The following TMEM51 variants were observed in gnomAD, a reference collection of about 807,000 sequenced individuals.
The protein encoded by TMEM51 is transmembrane protein 51, also known as chromosome 1 open reading frame 72.
A neutral mutation model predicts 13.6 loss-of-function variants in TMEM51; 8 were observed. The observed-to-expected ratio is 0.59, with a 90% CI of 0.35 to 1.07. The LOEUF (loss-of-function observed/expected upper bound fraction) is 1.07. TMEM51 is among the 50% of genes least tolerant of loss of function. The pLI is 0.02. For synonymous variants in TMEM51, 147 were observed against 144.4 expected, an observed-to-expected ratio of 1.02 and a Z score of -0.13; for missense variants, 279 against 330.7, an observed-to-expected ratio of 0.84 and a Z score of 1.21.
At chr1:15,167,040 TGA>T (rs1326140420) in intron 1 of TMEM51, among the ~76,000 whole-genome samples, 3 of 151,990 alleles carry the variant, frequency 2.0e-5, no homozygotes, top group African/African-American at 7.3e-5. Context: ...AGAATACATT[TGA>T]AATGGCTGGG....
intron 1 of TMEM51, among the ~76,000 whole-genome samples, chr1:15,183,329 A>G (rs980774076): frequency 6.6e-6 from 1 of 152,190 alleles, no homozygotes; most frequent in Non-Finnish European, 1.5e-5. Context: ...TTGATTTACA[A>G]ATAAGGCAGT....
At chr1:15,217,482 A>T (rs955447631) in intron 3 of TMEM51, among the ~76,000 whole-genome samples, 1 of 152,130 alleles carries the variant, frequency 6.6e-6, no homozygotes, top group African/African-American at 2.4e-5. Flanking sequence ...GGGGATATAT[A>T]TTTTTTTAAA....
intron 2 of TMEM51, among the ~76,000 whole-genome samples, chr1:15,211,379 T>C (rs1644335802): frequency 6.6e-6 from 1 of 152,158 alleles, no homozygotes; most frequent in Non-Finnish European, 1.5e-5. Flanking sequence ...AAGAAACAAT[T>C]TTTGCTCCTT....
intron 1 of TMEM51, among the ~76,000 whole-genome samples, chr1:15,177,012 G>GTT (rs1386237142): frequency 2.0e-5 from 3 of 152,150 alleles, no homozygotes; most frequent in African/African-American, 7.2e-5. Flanking sequence ...TGTCTGAAAG[G>GTT]AGCCAGTGGG....
At chr1:15,175,851 T>C (rs556819959) in intron 1 of TMEM51, among the ~76,000 whole-genome samples, 1 of 152,324 alleles carries the variant, frequency 6.6e-6, no homozygotes, top group African/African-American at 2.4e-5. Flanking sequence ...TTCATTACAA[T>C]TCAAGGTGAG....
chr1:15,164,147 A>G (rs1642901536), intron 1 of TMEM51, among the ~76,000 whole-genome samples: 1 of 152,028 alleles, frequency 6.6e-6, no homozygotes, highest in Admixed American at 6.5e-5. Context: ...GGCATCTTAC[A>G]TAATCGTATT....
At chr1:15,152,687 T>A (rs1642436240), upstream of TMEM51, 1 of 152,208 alleles carries the variant, frequency 6.6e-6, no homozygotes, top group Non-Finnish European at 1.5e-5. Flanking sequence ...GCATCCACGT[T>A]TTTTGGCGGT....
rs138239578 is a variant in TMEM51, at chr1:15,215,252, C to T, written c.165C>T (p.Gly55=). Residue 55 remains glycine (G), a synonymous_variant, in exon 3 of 4, where the codon GGC becomes GGT. Coordinates refer to ENST00000376008, the MANE Select transcript of TMEM51 (RefSeq NM_001136218.2). ...AQGSNKTEVG[G]GILKSKTFSV... Reference sequence around the variant, plus strand: ...GCAGCAACAAGACCGAGGTGGGTGGCGGCATCCTCAAGAGCAAGACCTTCT... The same window carrying T: ...GCAGCAACAAGACCGAGGTGGGTGGTGGCATCCTCAAGAGCAAGACCTTCT... The T allele has an allele frequency of 1.4e-5, 22 of 1,614,198 alleles. No homozygotes were observed. Among genetic ancestry groups the T allele is most frequent in the Non-Finnish European group, 1.7e-5 (20 of 1,180,036 alleles).
At position 15,219,904 on chromosome 1, in the gene TMEM51, A is replaced by G; in HGVS notation, c.*161A>G. Reference sequence around the variant, plus strand: ...GGGGGGATTCTCTGTATCAGGAGTGACTTTGTTGCCCCACACAGCCTCCTG... The same window carrying G: ...GGGGGGATTCTCTGTATCAGGAGTGGCTTTGTTGCCCCACACAGCCTCCTG... On this transcript the variant is annotated 3_prime_UTR_variant, in exon 4 of 4. Coordinates refer to ENST00000376008, the MANE Select transcript of TMEM51 (RefSeq NM_001136218.2). 3 of 772,788 alleles carry G rather than the reference A, an allele frequency of 3.9e-6. No individual in the cohort carries two copies. The highest frequency in any genetic ancestry group is 6.0e-6 in the Non-Finnish European group (3 of 496,196). The allele number at this position is 772,788 out of a possible 1,614,324, so 47.9% of individuals were successfully genotyped here. A position where few individuals can be genotyped will look rare whatever the true frequency, so the allele number is the denominator to read the frequency against.
intron 1 of TMEM51, among the ~76,000 whole-genome samples, chr1:15,179,791 CACAA>C (rs1414033491): frequency 6.6e-6 from 1 of 152,092 alleles, no homozygotes; most frequent in East Asian, 1.9e-4. Flanking sequence ...CAAAAAGCAA[CACAA>C]ACAAATGCAA....
intron 1 of TMEM51, among the ~76,000 whole-genome samples, chr1:15,198,970 G>A (rs1644102310): frequency 6.6e-6 from 1 of 152,178 alleles, no homozygotes; most frequent in African/African-American, 2.4e-5. Flanking sequence ...TGACGTGGCA[G>A]AGGGGAAAAA....
chr1:15,199,762 G>A (rs889306069), intron 1 of TMEM51, among the ~76,000 whole-genome samples: 2 of 152,116 alleles, frequency 1.3e-5, no homozygotes, highest in African/African-American at 2.4e-5. Context: ...AACCCTCCAC[G>A]TGGATAACAC....
chr1:15,183,978 G>C (rs1327521628), intron 1 of TMEM51, among the ~76,000 whole-genome samples: 1 of 152,198 alleles, frequency 6.6e-6, no homozygotes, highest in East Asian at 1.9e-4. Flanking sequence ...CAGGTCCGGG[G>C]TGGCCCTGAG....
At chr1:15,170,059 T>C (rs1242249096) in intron 1 of TMEM51, among the ~76,000 whole-genome samples, 1 of 152,196 alleles carries the variant, frequency 6.6e-6, no homozygotes, top group Non-Finnish European at 1.5e-5. Context: ...TTTCTCGAAA[T>C]GGGGAGAATA....
At position 15,161,938 on chromosome 1, in the gene TMEM51, AG is replaced by A. The variant is rs983264807; in HGVS notation, c.-267+7985del. Among the ~76,000 whole-genome samples, 37 of 152,068 alleles carry A rather than the reference AG, an allele frequency of 2.4e-4. 1 individual carries two copies. The highest frequency in any genetic ancestry group is 8.9e-4 in the African/African-American group (37 of 41,382). ...GCAAGACTCCATCTCAAAAAAAGAG[AG>A]AAAGAGGTTTATTTAGCCCATGGCA... On this transcript the variant is annotated intron_variant, in intron 1 of 3. Transcript: ENST00000376008. The surrounding 1 kb of genome is among the most constrained non-coding windows in gnomAD (Gnocchi z 4.0).
At chr1:15,166,086 T>G (rs1045282034) in intron 1 of TMEM51, among the ~76,000 whole-genome samples, 7 of 151,748 alleles carry the variant, frequency 4.6e-5, no homozygotes, top group African/African-American at 1.2e-4. Context: ...CCATGGGGGG[T>G]TTCGATATTC....
intron 1 of TMEM51, among the ~76,000 whole-genome samples, chr1:15,156,786 C>A (rs1267019571): frequency 1.3e-5 from 2 of 152,216 alleles, no homozygotes; most frequent in African/African-American, 4.8e-5. Context: ...CACAACAGTT[C>A]AGCAGCAGAA....
intron 1 of TMEM51, chr1:15,168,408 C>T (rs1480051059): frequency 6.5e-6 from 8 of 1,226,272 alleles, no homozygotes; most frequent in Non-Finnish European, 7.3e-6. Context: ...CAATCTTTTA[C>T]AGACAAATGG....
At chr1:15,190,945 A>G (rs2092503) in intron 1 of TMEM51, among the ~76,000 whole-genome samples, 93,583 of 151,888 alleles carry the variant, frequency 0.62, 29,399 homozygotes, top group East Asian at 0.93. Flanking sequence ...GTGCCACCAC[A>G]CCCGGCTAAT....
Sources: allele counts gnomAD v4.1 joint callset (sites outside exome capture counted in the v4.1 genomes callset), GRCh38; gene constraint gnomAD v4.1.1; non-coding constraint Gnocchi (gnomAD v3.1); transcripts MANE v1.5; gene names NCBI Gene and HGNC (gene_info 2026-07-23, HGNC 2026-07-21).